Variants in TRPM3 observed in about 807,000 individuals in gnomAD.
TRPM3 encodes long transient receptor potential channel 3.
A neutral mutation model predicts 181.2 loss-of-function variants in TRPM3; 77 were observed. That is an observed-to-expected ratio of 0.42 (90% CI 0.35 to 0.51). TRPM3 has a LOEUF of 0.51. Among genes scored for constraint, TRPM3 ranks in the 20% least tolerant of loss-of-function variants. The pLI is 0.01. For missense variants in TRPM3, 1,759 were observed against 2,196.7 expected, an observed-to-expected ratio of 0.80 and a Z score of 3.98; for synonymous variants, 745 against 796.4, an observed-to-expected ratio of 0.94 and a Z score of 1.09.
chr9:71,316,986 A>C (rs911515928), intron 1 of TRPM3, among the ~76,000 whole-genome samples: 1 of 152,152 alleles, frequency 6.6e-6, no homozygotes, highest in Admixed American at 6.5e-5. Flanking sequence ...TTGAATTCCT[A>C]ACTTTTTGAG....
At chr9:71,426,670 C>A (rs1036009558) in intron 1 of TRPM3, among the ~76,000 whole-genome samples, 2 of 152,066 alleles carry the variant, frequency 1.3e-5, no homozygotes, top group African/African-American at 4.8e-5. Flanking sequence ...CCACTGGACC[C>A]CATAAATTAT....
At chr9:71,371,052 C>T (rs2092493678) in intron 1 of TRPM3, among the ~76,000 whole-genome samples, 1 of 144,514 alleles carries the variant, frequency 6.9e-6, no homozygotes, top group Non-Finnish European at 1.5e-5. Context: ...CCCACTGAGA[C>T]CTACTTCTGA....
At chr9:71,018,384 G>A (rs2097804071) in intron 1 of TRPM3, among the ~76,000 whole-genome samples, 1 of 151,586 alleles carries the variant, frequency 6.6e-6, no homozygotes, top group South Asian at 2.1e-4. Flanking sequence ...GAAGCAAAAG[G>A]TGGTTTTTAG....
chr9:71,107,885 T>A (rs1011534912), intron 1 of TRPM3, among the ~76,000 whole-genome samples: 3 of 152,170 alleles, frequency 2.0e-5, no homozygotes, highest in Non-Finnish European at 4.4e-5. Flanking sequence ...TTCCAAACAA[T>A]GTGCTATTTT....
chr9:70,967,531 A>G (rs1289619764), intron 1 of TRPM3, among the ~76,000 whole-genome samples: 1 of 152,136 alleles, frequency 6.6e-6, no homozygotes, highest in East Asian at 1.9e-4. Context: ...GCATAAAATA[A>G]TATGAATCAC....
At position 71,446,664 on chromosome 9, in the gene TRPM3, G is replaced by A. The variant is rs1343291603; in HGVS notation, c.172C>T (p.Gln58Ter). Residue 58 changes from glutamine to a stop codon, truncating the protein, a stop_gained, in exon 1 of 25, where the codon CAG becomes TAG. Transcript: ENST00000357533. LOFTEE classifies it high-confidence loss of function. ...CCCCGGCCACTCACCGGCGTCTGCT[G>A]CGACGGGAGTCCCGAGCGTTTGGTG... is the stretch of plus-strand genomic sequence containing the variant. 5.8e-6 allele frequency: 9 copies of A among 1,550,084 alleles called. No homozygotes were observed. Among genetic ancestry groups the A allele is most frequent in the Non-Finnish European group, 7.8e-6 (9 of 1,146,582 alleles).
chr9:71,227,292 TCTTGAAACAAATGA>T (rs2080744647), intron 1 of TRPM3, among the ~76,000 whole-genome samples: 1 of 151,752 alleles, frequency 6.6e-6, no homozygotes, highest in African/African-American at 2.4e-5. Context: ...TTGAAAAGTC[TCTTGAAACAAATGA>T]TAAAGGAGCC....
intron 1 of TRPM3, among the ~76,000 whole-genome samples, chr9:71,104,076 A>G (rs1350899333): frequency 1.3e-5 from 2 of 151,970 alleles, no homozygotes; most frequent in Non-Finnish European, 2.9e-5. Context: ...CACCATGCCC[A>G]TCTAATTTTG....
At chr9:71,238,150 G>GA (rs1211670267) in intron 1 of TRPM3, among the ~76,000 whole-genome samples, 1 of 151,636 alleles carries the variant, frequency 6.6e-6, no homozygotes, top group Non-Finnish European at 1.5e-5. Context: ...TTTTTTCTAT[G>GA]AAAAAACGCA....
intron 1 of TRPM3, among the ~76,000 whole-genome samples, chr9:71,218,880 T>C (rs1305732430): frequency 6.6e-6 from 1 of 152,192 alleles, no homozygotes; most frequent in African/African-American, 2.4e-5. Context: ...ACAAAATAGA[T>C]AAGGCCAAAG....
intron 1 of TRPM3, among the ~76,000 whole-genome samples, chr9:71,169,335 A>T (rs1242337831): frequency 1.3e-5 from 2 of 152,226 alleles, no homozygotes; most frequent in African/African-American, 4.8e-5. Flanking sequence ...ACGGTTGGAA[A>T]CAGGACTCTC....
chr9:71,214,122 T>C (rs1423892373), intron 1 of TRPM3, among the ~76,000 whole-genome samples: 1 of 152,182 alleles, frequency 6.6e-6, no homozygotes, highest in East Asian at 1.9e-4. Context: ...ATTATAGTCT[T>C]TGTTGGAGAA....
intron 9 of TRPM3, among the ~76,000 whole-genome samples, chr9:70,648,843 T>C (rs912225203): frequency 6.6e-6 from 1 of 152,022 alleles, no homozygotes; most frequent in Non-Finnish European, 1.5e-5. Context: ...AAAAATCAAC[T>C]CAAGATGGAT....
chr9:70,569,043 C>T (rs970206128), intron 22 of TRPM3, among the ~76,000 whole-genome samples: 1 of 152,196 alleles, frequency 6.6e-6, no homozygotes, highest in Non-Finnish European at 1.5e-5. Flanking sequence ...CTTCATTTAA[C>T]TATTGTCCAA....
At chr9:70,965,922 G>A (rs371105779) in intron 1 of TRPM3, among the ~76,000 whole-genome samples, 7 of 151,368 alleles carry the variant, frequency 4.6e-5, no homozygotes, top group South Asian at 4.2e-4. Flanking sequence ...GCTTCTATAC[G>A]GTAAACAAAA....
chr9:70,659,229 T>C (rs887580678), intron 9 of TRPM3, among the ~76,000 whole-genome samples: 4 of 152,154 alleles, frequency 2.6e-5, no homozygotes, highest in Admixed American at 1.3e-4. Flanking sequence ...ACTTGACTTA[T>C]GGAGCCAATA....
Position 71,007,664 on chromosome 9 carries a change from T to A in TRPM3, c.177+113514A>T, listed in dbSNP as rs35664127. Among the ~76,000 whole-genome samples the A allele has an allele frequency of 7.2e-3, 1,094 of 152,228 alleles. 3 individuals are homozygous for A. Among genetic ancestry groups the A allele is most frequent in the South Asian group, 0.021 (103 of 4,822 alleles). On this transcript the variant is annotated intron_variant, in intron 1 of 25. Coordinates refer to ENST00000677713, the MANE Select transcript of TRPM3 (RefSeq NM_001366145.2). ...TTTAATAGTAAATTAAAAAATTCCT[T>A]GGGACAAATGACAATGGAATACAAC...
chr9:70,530,545 G>A lies in TRPM3; in HGVS notation c.*5408C>T, dbSNP rs535901806. 9 of 152,288 alleles carry A rather than the reference G, an allele frequency of 5.9e-5. No individual in the cohort carries two copies. The East Asian group carries it at 1.4e-3, about 23-fold the overall frequency. 9.4% of individuals were successfully genotyped at this position (152,288 alleles called of 1,614,324 possible). ...CTGGTAGACTAGGTAAGGTAAGGAA[G>A]GGAAAATTCACCTCATTCTTATTGC... On this transcript the variant is annotated 3_prime_UTR_variant, in exon 26 of 26. Transcript: ENST00000677713.
intron 1 of TRPM3, among the ~76,000 whole-genome samples, chr9:71,059,627 T>G (rs149795532): frequency 6.6e-6 from 1 of 152,186 alleles, no homozygotes; most frequent in African/African-American, 2.4e-5. Context: ...AAGAAGTTTA[T>G]CCTTGATAAT....
Sources: gnomAD v4.1 joint callset for allele counts (sites outside exome capture counted in the v4.1 genomes callset) on GRCh38, gnomAD v4.1.1 for gene constraint, MANE v1.5 for transcripts, NCBI Gene and HGNC (gene_info 2026-07-23, HGNC 2026-07-21) for gene names.